The following EGFR variants were observed in gnomAD, a reference collection of about 807,000 sequenced individuals.
EGFR encodes the protein avian erythroblastic leukemia viral (v-erb-b) oncogene homolog.
A neutral mutation model predicts 143.0 loss-of-function variants in EGFR; 58 were observed. The observed-to-expected ratio is 0.41, with a 90% CI of 0.33 to 0.50. EGFR has a LOEUF of 0.50. EGFR is among the 20% of genes least tolerant of loss of function. The pLI, the probability that EGFR is intolerant of heterozygous loss-of-function variation, is 0.39. For synonymous variants in EGFR, 613 were observed against 594.4 expected, an observed-to-expected ratio of 1.03 and a Z score of -0.45; for missense variants, 1,307 against 1,579.0, an observed-to-expected ratio of 0.83 and a Z score of 2.92.
intron 1 of EGFR, among the ~76,000 whole-genome samples, chr7:55,132,014 CGA>C (rs1793871102): frequency 6.8e-6 from 1 of 146,942 alleles, no homozygotes; most frequent in Admixed American, 6.8e-5. Flanking sequence ...TCTTTTCTTT[CGA>C]TTTTTGGTTG....
chr7:55,120,907 T>A (rs907556101), intron 1 of EGFR, among the ~76,000 whole-genome samples: 1 of 152,200 alleles, frequency 6.6e-6, no homozygotes, highest in Admixed American at 6.5e-5. Context: ...ACTGGCCAGG[T>A]GTCATTTTTG....
Position 55,157,756 on chromosome 7 carries a change from A to G in EGFR, c.1298+3A>G, listed in dbSNP as rs1785502922. ...ATACGCGGCAGGACCAAGCAACAGT[A>G]AGTTGACCACAGCCAAAGCCTGGTA... On this transcript the variant is annotated splice_donor_region_variant and intron_variant, in intron 11 of 27. Coordinates refer to ENST00000275493, the MANE Select transcript of EGFR (RefSeq NM_005228.5). 1.2e-6 allele frequency: 2 copies of G among 1,614,156 alleles called. No homozygotes were observed. Among genetic ancestry groups the G allele is most frequent in the Non-Finnish European group, 1.7e-6 (2 of 1,179,970 alleles).
At chr7:55,102,030 A>G (rs2128901989) in intron 1 of EGFR, among the ~76,000 whole-genome samples, 1 of 152,220 alleles carries the variant, frequency 6.6e-6, no homozygotes, top group South Asian at 2.1e-4. Context: ...CTCAGTTTCC[A>G]TCAAACTTGT....
chr7:55,136,442 G>A (rs1025161160), intron 1 of EGFR, among the ~76,000 whole-genome samples: 2 of 152,110 alleles, frequency 1.3e-5, no homozygotes, highest in Non-Finnish European at 2.9e-5. Flanking sequence ...GAGAAACCCA[G>A]GACAAGTCAT....
chr7:55,030,416 C>T (rs1787183340), intron 1 of EGFR, among the ~76,000 whole-genome samples: 3 of 152,174 alleles, frequency 2.0e-5, no homozygotes, highest in Admixed American at 6.5e-5. Context: ...ACTCAAGTCT[C>T]TTCTGTATGT....
intron 1 of EGFR, among the ~76,000 whole-genome samples, chr7:55,070,811 C>T (rs977856613): frequency 6.6e-6 from 1 of 152,168 alleles, no homozygotes; most frequent in Non-Finnish European, 1.5e-5. Flanking sequence ...AGAACCATTG[C>T]TGAGCTGTTA....
intron 1 of EGFR, among the ~76,000 whole-genome samples, chr7:55,138,622 G>A (rs1016480071): frequency 2.1e-4 from 32 of 152,160 alleles, no homozygotes; most frequent in African/African-American, 7.0e-4. Flanking sequence ...ATCCCCTAAC[G>A]TGGGTCCAGA....
At chr7:55,028,181 A>G (rs937759992) in intron 1 of EGFR, among the ~76,000 whole-genome samples, 6 of 151,850 alleles carry the variant, frequency 4.0e-5, no homozygotes, top group Admixed American at 3.3e-4. Context: ...TGACGTCATG[A>G]TTGTTTTAGC....
chr7:55,156,615 C>T lies in EGFR; in HGVS notation c.1089C>T (p.Thr363=), dbSNP rs1195297126. The T allele has an allele frequency of 3.7e-6, 6 of 1,614,124 alleles. No homozygotes were observed. Among genetic ancestry groups the T allele is most frequent in the Non-Finnish European group, 5.1e-6 (6 of 1,180,066 alleles). The change falls in exon 9 of 28, where the codon ACC becomes ACT. Residue 363 remains threonine, a synonymous_variant. Transcript: ENST00000275493. ...ATNIKHFKNC[T]SISGDLHILP... Reference sequence around the variant, plus strand: ...ATATTAAACACTTCAAAAACTGCACCTCCATCAGTGGCGATCTCCACATCC... The same window carrying T: ...ATATTAAACACTTCAAAAACTGCACTTCCATCAGTGGCGATCTCCACATCC...
At chr7:55,019,656 CT>C (rs1439712895) in intron 1 of EGFR, among the ~76,000 whole-genome samples, 1 of 152,138 alleles carries the variant, frequency 6.6e-6, no homozygotes, top group Non-Finnish European at 1.5e-5. Flanking sequence ...CCGCTCCCAA[CT>C]TTCTTCCCTC....
intron 11 of EGFR, among the ~76,000 whole-genome samples, chr7:55,159,783 T>A (rs1369387688): frequency 6.6e-6 from 1 of 152,218 alleles, no homozygotes; most frequent in Non-Finnish European, 1.5e-5. Context: ...GGTGGATAGA[T>A]GGATGAACCC....
intron 1 of EGFR, among the ~76,000 whole-genome samples, chr7:55,030,489 T>C (rs1388886898): frequency 6.6e-6 from 1 of 152,224 alleles, no homozygotes; most frequent in African/African-American, 2.4e-5. Context: ...AAATATTTAC[T>C]TTAGAAATGA....
chr7:55,141,147 G>T (rs957366795), intron 1 of EGFR, among the ~76,000 whole-genome samples: 30 of 152,170 alleles, frequency 2.0e-4, no homozygotes. Context: ...CCTGGCCAAG[G>T]CTCAATCCAA....
At chr7:55,148,842 T>A (rs897624618) in intron 4 of EGFR, among the ~76,000 whole-genome samples, 1 of 151,764 alleles carries the variant, frequency 6.6e-6, no homozygotes, top group Admixed American at 6.6e-5. Context: ...TCAGAATGGA[T>A]CTCATTTAGT....
chr7:55,177,034 C>A (rs1786629076), intron 19 of EGFR, among the ~76,000 whole-genome samples: 2 of 151,730 alleles, frequency 1.3e-5, no homozygotes, highest in Non-Finnish European at 2.9e-5. Flanking sequence ...TCTCCTCATC[C>A]CCTCTTCCCC....
At chr7:55,130,130 A>G (rs1793750275) in intron 1 of EGFR, among the ~76,000 whole-genome samples, 1 of 152,188 alleles carries the variant, frequency 6.6e-6, no homozygotes, top group Non-Finnish European at 1.5e-5. Context: ...TCTCTGAGAC[A>G]TGGCAAGCGC....
At chr7:55,192,925 A>G (rs1484756137) in intron 22 of EGFR, 84 bp downstream of exon 22, 1 of 1,159,042 alleles carries the variant, frequency 8.6e-7, no homozygotes, top group Non-Finnish European at 1.3e-6. Context: ...ATATCCTCTG[A>G]CATGCAAGTA....
chr7:55,155,015 T>C (rs1453012520), intron 7 of EGFR, among the ~76,000 whole-genome samples: 19 of 152,140 alleles, frequency 1.2e-4, no homozygotes, highest in Admixed American at 1.2e-3. Flanking sequence ...ATCTTTGAGA[T>C]AGGGCTTAAC....
chr7:55,020,977 A>AT (rs1474638638), intron 1 of EGFR, among the ~76,000 whole-genome samples: 4 of 151,618 alleles, frequency 2.6e-5, no homozygotes, highest in South Asian at 2.1e-4. Flanking sequence ...TGGACTTGGG[A>AT]TTTTTTTTAA....
Sources: gnomAD v4.1 joint callset for allele counts (sites outside exome capture counted in the v4.1 genomes callset) on GRCh38, gnomAD v4.1.1 for gene constraint, MANE v1.5 for transcripts, NCBI Gene and HGNC (gene_info 2026-07-23, HGNC 2026-07-21) for gene names.